The following MGAT4C variants were observed in gnomAD, a reference collection of about 807,000 sequenced individuals.
MGAT4C encodes MGAT4 family member C.
In MGAT4C, 19 loss-of-function variants were observed where a neutral mutation model predicts 40.1. The observed-to-expected ratio is 0.47, with a 90% CI of 0.33 to 0.70. The LOEUF (loss-of-function observed/expected upper bound fraction) is 0.70, where lower values mean the gene tolerates loss of function less well. Among genes scored for constraint, MGAT4C ranks in the 30% least tolerant of loss-of-function variants. The pLI is 0.02. For missense variants in MGAT4C, 491 were observed against 563.2 expected, an observed-to-expected ratio of 0.87 and a Z score of 1.30; for synonymous variants, 181 against 187.1, an observed-to-expected ratio of 0.97 and a Z score of 0.27.
At chr12:86,052,979 C>T (rs1358245919) in intron 1 of MGAT4C, among the ~76,000 whole-genome samples, 3 of 151,900 alleles carry the variant, frequency 2.0e-5, no homozygotes, top group East Asian at 3.9e-4. Context: ...TACTAGGAGG[C>T]AAAGTGTTCA....
At chr12:85,984,648 GT>G (rs1050726920) in intron 3 of MGAT4C, among the ~76,000 whole-genome samples, 1 of 151,944 alleles carries the variant, frequency 6.6e-6, no homozygotes, top group Non-Finnish European at 1.5e-5. Flanking sequence ...ATGACTATTT[GT>G]TTGACTCATA....
At chr12:86,585,735 A>T (rs117471380) in intron 2 of MGAT4C, among the ~76,000 whole-genome samples, 116,128 of 144,274 alleles carry the variant, frequency 0.8, 47,605 homozygotes, top group South Asian at 0.94. Flanking sequence ...ATTTTTTTTA[A>T]TTTTTTTTTT....
chr12:86,445,026 G>T (rs1398812571), intron 2 of MGAT4C, among the ~76,000 whole-genome samples: 2 of 152,196 alleles, frequency 1.3e-5, no homozygotes, highest in Non-Finnish European at 2.9e-5. Context: ...AACCAGAAAG[G>T]TGGGGGTGGA....
chr12:85,959,835 A>G lies in MGAT4C; in HGVS notation c.*19454T>C, dbSNP rs1037838573. 6.6e-6 allele frequency: 1 copy of G among 151,772 alleles called. No individual in the cohort carries two copies. The highest frequency in any genetic ancestry group is 2.4e-5 in the African/African-American group (1 of 41,360). 9.4% of individuals were successfully genotyped at this position (151,772 alleles called of 1,614,324 possible). A position where few individuals can be genotyped will look rare whatever the true frequency, so the allele number is the denominator to read the frequency against. On this transcript the variant is annotated 3_prime_UTR_variant, in exon 5 of 5. Coordinates refer to ENST00000611864, the MANE Select transcript of MGAT4C (RefSeq NM_001351288.2). ...TTTCTTTATGAAATTACTTTTAGATAAAGTATTGATATTGTCATTTATCAA... is the reference window on the plus strand; with the variant it reads ...TTTCTTTATGAAATTACTTTTAGATGAAGTATTGATATTGTCATTTATCAA...
At chr12:86,512,516 G>T (rs1485330709) in intron 2 of MGAT4C, among the ~76,000 whole-genome samples, 1 of 152,012 alleles carries the variant, frequency 6.6e-6, no homozygotes, top group Admixed American at 6.6e-5. Flanking sequence ...AATGGCCGAA[G>T]TATGGAAATT....
At chr12:86,357,442 C>T (rs565209386) in intron 3 of MGAT4C, among the ~76,000 whole-genome samples, 14 of 152,154 alleles carry the variant, frequency 9.2e-5, no homozygotes, top group African/African-American at 1.7e-4. Flanking sequence ...TGCTGCTCCT[C>T]GTCAGCAATG....
chr12:86,462,138 T>C (rs192233896), intron 2 of MGAT4C, among the ~76,000 whole-genome samples: 18 of 152,338 alleles, frequency 1.2e-4, no homozygotes, highest in African/African-American at 3.6e-4. Context: ...ATGCATTCCT[T>C]GATATAACAG....
intron 2 of MGAT4C, among the ~76,000 whole-genome samples, chr12:86,461,996 T>G (rs1201493352): frequency 1.3e-5 from 2 of 152,216 alleles, no homozygotes; most frequent in Non-Finnish European, 2.9e-5. Context: ...TAACTGTATT[T>G]AAATCATTTA....
intron 3 of MGAT4C, among the ~76,000 whole-genome samples, chr12:86,387,317 C>T (rs983840455): frequency 1.8e-4 from 28 of 151,956 alleles, no homozygotes; most frequent in African/African-American, 6.0e-4. Flanking sequence ...TTGTAAATAA[C>T]ATCAATATTC....
chr12:86,205,910 G>T (rs1593232061), intron 1 of MGAT4C, among the ~76,000 whole-genome samples: 1 of 151,122 alleles, frequency 6.6e-6, no homozygotes, highest in Non-Finnish European at 1.5e-5. Flanking sequence ...TTTAAAGTTA[G>T]TCCATTTTCT....
chr12:86,381,778 A>G (rs1201061327), intron 3 of MGAT4C, among the ~76,000 whole-genome samples: 2 of 152,096 alleles, frequency 1.3e-5, no homozygotes, highest in African/African-American at 2.4e-5. Context: ...GTGTTGTGGG[A>G]GGGACCTGGT....
At position 85,979,551 on chromosome 12, in the gene MGAT4C, A is replaced by T; in HGVS notation, c.1175T>A (p.Ile392Asn). 6.2e-7 allele frequency: 1 copy of T among 1,609,230 alleles called. No individual in the cohort carries two copies. Among genetic ancestry groups the T allele is most frequent in the Non-Finnish European group, 8.5e-7 (1 of 1,178,040 alleles). The change falls in exon 5 of 5, where the codon ATT becomes AAT. Residue 392 changes from isoleucine (I) to asparagine (N), a missense_variant. Ile to Asn is a moderately radical substitution (Grantham distance 149, BLOSUM62 -3). Transcript: ENST00000611864. ...VFENPIIIKK[I>N]KVNTGTEDRQ... is the part of the protein sequence containing the mutation. ...ATCTTCTGTTCCAGTATTTACTTTA[A>T]TTTTTTTTATTATAATTGGATTTTC...
At chr12:86,542,321 A>C (rs1039953556) in intron 2 of MGAT4C, among the ~76,000 whole-genome samples, 1 of 152,046 alleles carries the variant, frequency 6.6e-6, no homozygotes, top group African/African-American at 2.4e-5. Context: ...ACATTCAGGA[A>C]ATAAGTAGGA....
intron 1 of MGAT4C, among the ~76,000 whole-genome samples, chr12:86,139,729 GA>G (rs943448539): frequency 1.3e-5 from 2 of 151,318 alleles, no homozygotes; most frequent in African/African-American, 4.9e-5. Context: ...AATAAGAATA[GA>G]AAAAAAACGG....
chr12:86,748,625 A>G (rs567243899), intron 1 of MGAT4C, among the ~76,000 whole-genome samples: 1 of 151,708 alleles, frequency 6.6e-6, no homozygotes, highest in South Asian at 2.1e-4. Context: ...AGTCAGGGTC[A>G]GAAATACAGA....
At chr12:86,823,623 G>A (rs11104114) in intron 1 of MGAT4C, among the ~76,000 whole-genome samples, 14,561 of 150,326 alleles carry the variant, frequency 0.097, 969 homozygotes, top group Non-Finnish European at 0.14. Context: ...AAGATATCCA[G>A]GATAGAAAAT....
chr12:86,733,139 G>C (rs1476759928), intron 1 of MGAT4C, among the ~76,000 whole-genome samples: 2 of 152,046 alleles, frequency 1.3e-5, no homozygotes, highest in African/African-American at 4.8e-5. Context: ...ATGCATTAGA[G>C]AGAAATACTT....
chr12:86,540,105 G>A (rs1222436724), intron 2 of MGAT4C, among the ~76,000 whole-genome samples: 1 of 152,180 alleles, frequency 6.6e-6, no homozygotes, highest in Non-Finnish European at 1.5e-5. Context: ...CCATGCCTAT[G>A]TCCTGAATGG....
intron 2 of MGAT4C, among the ~76,000 whole-genome samples, chr12:86,492,628 T>C (rs1048586925): frequency 2.6e-5 from 4 of 151,978 alleles, no homozygotes; most frequent in East Asian, 1.9e-4. Flanking sequence ...CTTCCTTACA[T>C]CTTATACAAA....
Sources: allele counts gnomAD v4.1 joint callset (sites outside exome capture counted in the v4.1 genomes callset), GRCh38; gene constraint gnomAD v4.1.1; transcripts MANE v1.5; gene names NCBI Gene and HGNC (gene_info 2026-07-23, HGNC 2026-07-21).